Variants in ROBO1 observed in about 807,000 individuals in gnomAD.
The protein encoded by ROBO1 is roundabout homolog 1.
Under a neutral mutation model 195.9 loss-of-function variants are expected in ROBO1, and 149 were observed. The ratio of observed to expected loss-of-function variants is 0.76; its 90% CI spans 0.67 to 0.87. ROBO1 has a LOEUF of 0.87. ROBO1 is among the 40% of genes least tolerant of loss of function. ROBO1 has a pLI of 0.00. For missense variants in ROBO1, 1,933 were observed against 2,068.3 expected (o/e 0.93, Z 1.27); for synonymous variants, 816 against 733.2 (o/e 1.11, Z -1.82).
intron 2 of ROBO1, among the ~76,000 whole-genome samples, chr3:79,470,019 A>C (rs1938180956): frequency 6.6e-6 from 1 of 152,164 alleles, no homozygotes; most frequent in Non-Finnish European, 1.5e-5. Context: ...TTTTTTAATT[A>C]TTATACTTTA....
intron 4 of ROBO1, among the ~76,000 whole-genome samples, chr3:78,887,922 GT>G (rs1454621263): frequency 6.6e-6 from 1 of 151,506 alleles, no homozygotes. Flanking sequence ...ATCTCCCCAG[GT>G]TTTCACAAGA....
At chr3:79,225,771 CCT>C (rs1226318167) in intron 2 of ROBO1, among the ~76,000 whole-genome samples, 1 of 152,164 alleles carries the variant, frequency 6.6e-6, no homozygotes, top group Non-Finnish European at 1.5e-5. Flanking sequence ...ATGCTCTCCT[CCT>C]CTTATTTGCT....
intron 1 of ROBO1, among the ~76,000 whole-genome samples, chr3:79,617,896 T>C (rs868197909): frequency 2.5e-5 from 3 of 120,140 alleles, no homozygotes; most frequent in South Asian, 5.9e-4. Context: ...AAGTTATACA[T>C]GAAAAATTGA....
chr3:79,333,985 AG>A (rs2109187576), intron 2 of ROBO1, among the ~76,000 whole-genome samples: 1 of 152,214 alleles, frequency 6.6e-6, no homozygotes, highest in Admixed American at 6.5e-5. Context: ...TTGCTCAGAG[AG>A]GCCTACTGGA....
At chr3:79,485,549 G>A (rs565497082) in intron 2 of ROBO1, among the ~76,000 whole-genome samples, 253 of 152,224 alleles carry the variant, frequency 1.7e-3, no homozygotes, top group Non-Finnish European at 2.9e-3. Flanking sequence ...GAGGCAGTTT[G>A]AGGCTCATAT....
At chr3:78,807,754 C>T (rs1316163124) in intron 4 of ROBO1, among the ~76,000 whole-genome samples, 1 of 152,144 alleles carries the variant, frequency 6.6e-6, no homozygotes, top group East Asian at 1.9e-4. Flanking sequence ...ACACACAGCA[C>T]ATGCATGTGT....
chr3:79,522,654 G>A (rs114808005), intron 2 of ROBO1, among the ~76,000 whole-genome samples: 1,808 of 152,238 alleles, frequency 0.012, 20 homozygotes, highest in Non-Finnish European at 0.019. Context: ...CCTTTTGGAA[G>A]GAGGAAATAA....
At chr3:79,577,031 T>C (rs1281788478) in intron 2 of ROBO1, among the ~76,000 whole-genome samples, 2 of 152,180 alleles carry the variant, frequency 1.3e-5, no homozygotes, top group Non-Finnish European at 2.9e-5. Flanking sequence ...TTGTCTCTGG[T>C]CTATGTTTTC....
chr3:78,855,188 CT>C (rs2106914261), intron 4 of ROBO1, among the ~76,000 whole-genome samples: 1 of 152,164 alleles, frequency 6.6e-6, no homozygotes, highest in South Asian at 2.1e-4. Context: ...ACCTTGATCA[CT>C]TACGCTGATT....
intron 2 of ROBO1, among the ~76,000 whole-genome samples, chr3:79,350,849 T>C (rs2109264166): frequency 6.6e-6 from 1 of 152,164 alleles, no homozygotes; most frequent in East Asian, 1.9e-4. Flanking sequence ...GATGGGGTCT[T>C]GCTATGTTGC....
chr3:79,316,238 G>A (rs1350044077), intron 2 of ROBO1, among the ~76,000 whole-genome samples: 4 of 152,144 alleles, frequency 2.6e-5, no homozygotes, highest in South Asian at 2.1e-4. Flanking sequence ...CTGATTGGAG[G>A]AGGAGGTTCA....
chr3:79,485,306 A>G (rs1215356750), intron 2 of ROBO1, among the ~76,000 whole-genome samples: 1 of 152,146 alleles, frequency 6.6e-6, no homozygotes, highest in Non-Finnish European at 1.5e-5. Flanking sequence ...ACTTAAAATC[A>G]TGTATAATTC....
rs368399728 is a variant in ROBO1 at position 79,277,983 on chromosome 3, A to G, written c.89-152444T>C. Among the ~76,000 whole-genome samples the G allele has an allele frequency of 4.6e-5, 7 of 152,210 alleles. No homozygotes were observed. The East Asian group carries it at 7.7e-4, about 17-fold the overall frequency. On this transcript the variant is annotated intron_variant, in intron 2 of 30. Coordinates refer to ENST00000464233, the MANE Select transcript of ROBO1 (RefSeq NM_002941.4). Reference sequence around the variant, plus strand: ...TAATTTTGATAAAGATGCAGGATATAAAATTAATAATCAAAAATCAGTAGT... The same window carrying G: ...TAATTTTGATAAAGATGCAGGATATGAAATTAATAATCAAAAATCAGTAGT...
At chr3:79,548,206 A>C (rs1359595291) in intron 2 of ROBO1, among the ~76,000 whole-genome samples, 1 of 152,138 alleles carries the variant, frequency 6.6e-6, no homozygotes, top group African/African-American at 2.4e-5. Flanking sequence ...TTTACTCCTG[A>C]CCCTCGCTGT....
chr3:78,977,272 G>A (rs1421822782), intron 3 of ROBO1, among the ~76,000 whole-genome samples: 6 of 151,950 alleles, frequency 3.9e-5, no homozygotes, highest in African/African-American at 1.5e-4. Flanking sequence ...TACTCACTGA[G>A]ATTCCCACAT....
intron 2 of ROBO1, among the ~76,000 whole-genome samples, chr3:79,146,122 T>C (rs1405001660): frequency 6.6e-6 from 1 of 152,002 alleles, no homozygotes; most frequent in African/African-American, 2.4e-5. Flanking sequence ...AATGGACATT[T>C]ATTTCAAATA....
chr3:78,892,349 A>T (rs2036953935), intron 4 of ROBO1, among the ~76,000 whole-genome samples: 1 of 152,176 alleles, frequency 6.6e-6, no homozygotes, highest in African/African-American at 2.4e-5. Context: ...CTGGTCCCTG[A>T]TGCCAAAAAG....
intron 2 of ROBO1, among the ~76,000 whole-genome samples, chr3:79,126,948 C>T (rs367694215): frequency 6.6e-6 from 1 of 151,514 alleles, no homozygotes; most frequent in African/African-American, 2.4e-5. Flanking sequence ...AATCTCCCTG[C>T]TTTCCCTCCT....
chr3:78,631,909 T>C (rs1001876274), intron 24 of ROBO1, among the ~76,000 whole-genome samples: 1 of 152,204 alleles, frequency 6.6e-6, no homozygotes, highest in Non-Finnish European at 1.5e-5. Context: ...TGTACAATGA[T>C]GGCTTATGGT....
Sources: allele counts gnomAD v4.1 joint callset (sites outside exome capture counted in the v4.1 genomes callset), GRCh38; gene constraint gnomAD v4.1.1; transcripts MANE v1.5; gene names NCBI Gene and HGNC (gene_info 2026-07-23, HGNC 2026-07-21).